The following SERPINB12 variants were observed in gnomAD, a reference collection of about 807,000 sequenced individuals.
SERPINB12 encodes the protein serpin B12.
In SERPINB12, 57 loss-of-function variants were observed where a neutral mutation model predicts 41.1. The ratio of observed to expected loss-of-function variants is 1.39; its 90% CI spans 1.12 to 1.73. The LOEUF is 1.73. SERPINB12 is among the 40% of genes most tolerant of loss of function. The probability of loss-of-function intolerance (pLI) is 0.00; values close to 1 mark genes in which losing one functional copy is unlikely to be tolerated. For synonymous variants in SERPINB12, 180 were observed against 181.3 expected (o/e 0.99, Z 0.06); for missense variants, 536 against 501.9 (o/e 1.07, Z -0.65).
chr18:63,559,483 C>T (rs553066634), intron 3 of SERPINB12, 95 bp from the exon 4 acceptor site: 1 of 1,272,526 alleles, frequency 7.9e-7, no homozygotes, highest in Non-Finnish European at 1.1e-6. Context: ...CTAAGAAGCT[C>T]TATCTTGCTT....
intron 1 of SERPINB12, among the ~76,000 whole-genome samples, chr18:63,553,485 G>A (rs1042466171): frequency 6.6e-6 from 1 of 152,138 alleles, no homozygotes; most frequent in Non-Finnish European, 1.5e-5. Context: ...GGCAGAAGGG[G>A]TGAAGCCAAG....
chr18:63,559,747 C>G (rs770707717), intron 4 of SERPINB12, 29 bp downstream of exon 4: 1 of 1,611,454 alleles, frequency 6.2e-7, no homozygotes, highest in South Asian at 1.1e-5. Context: ...GTGACTAAAG[C>G]TACCATGTAG....
At chr18:63,547,732 AT>A (rs1223918510) in intron 1 of SERPINB12, among the ~76,000 whole-genome samples, 11 of 152,104 alleles carry the variant, frequency 7.2e-5, no homozygotes, top group Middle Eastern at 3.4e-3. Flanking sequence ...CAGTAAATGA[AT>A]TTTTTTTATA....
rs1911128403 is a variant in SERPINB12 at position 63,566,939 on chromosome 18, C to A, written c.1206C>A (p.His402Gln). The change falls in exon 8 of 8, where the codon CAC becomes CAA. Residue 402 changes from histidine (H) to glutamine (Q), a missense_variant. Coordinates refer to ENST00000382768, the MANE Select transcript of SERPINB12 (RefSeq NM_001307928.2). ...CTTGGGTGGAGTTTAATGCCAACCACCCTTTTCTCTTTTTCATTAGACACA... is the reference window on the plus strand; with the variant it reads ...CTTGGGTGGAGTTTAATGCCAACCAACCTTTTCTCTTTTTCATTAGACACA... ...LRSWVEFNANHPFLFFIRHNK... is the reference protein window; with the variant it reads ...LRSWVEFNANQPFLFFIRHNK... 1 of 1,613,730 alleles carries A rather than the reference C, an allele frequency of 6.2e-7. No homozygotes were observed. Among genetic ancestry groups the A allele is most frequent in the Non-Finnish European group, 8.5e-7 (1 of 1,179,932 alleles).
rs1439303022 is a variant in SERPINB12, at chr18:63,567,896, C to T, written c.*885C>T. Among the ~76,000 whole-genome samples the T allele has an allele frequency of 1.3e-5, 2 of 152,176 alleles. No individual in the cohort carries two copies. The highest frequency in any genetic ancestry group is 2.4e-5 in the African/African-American group (1 of 41,454). ...GGACGGCTGGCCTCCGTATGCCCCT[C>T]TCTCTGCCTTCTGGCCACGTGGAGG... On this transcript the variant is annotated 3_prime_UTR_variant, in exon 8 of 8. Transcript: ENST00000382768.
upstream of SERPINB12, among the ~76,000 whole-genome samples, chr18:63,539,114 C>T (rs1293835060): frequency 6.6e-6 from 1 of 152,104 alleles, no homozygotes; most frequent in African/African-American, 2.4e-5. Flanking sequence ...AGGTTCCTCC[C>T]TGACCAGGGT....
chr18:63,557,923 A>G (rs8098669), intron 2 of SERPINB12, among the ~76,000 whole-genome samples: 61,012 of 152,072 alleles, frequency 0.4, 14,636 homozygotes, highest in Non-Finnish European at 0.55. Flanking sequence ...TTTAATAATA[A>G]TTTTTTAACC....
At chr18:63,544,984 T>C (rs189594400) in intron 1 of SERPINB12, among the ~76,000 whole-genome samples, 5 of 152,312 alleles carry the variant, frequency 3.3e-5, no homozygotes, top group Admixed American at 3.3e-4. Context: ...CCTTTATCAG[T>C]AGGGGAATAT....
At chr18:63,547,815 G>A (rs1195528481) in intron 1 of SERPINB12, among the ~76,000 whole-genome samples, 4 of 152,048 alleles carry the variant, frequency 2.6e-5, no homozygotes, top group African/African-American at 9.7e-5. Context: ...CAGAATCTCT[G>A]TTAATTACAG....
At chr18:63,560,551 C>T (rs1910868831) in intron 4 of SERPINB12, among the ~76,000 whole-genome samples, 1 of 152,186 alleles carries the variant, frequency 6.6e-6, no homozygotes, top group Non-Finnish European at 1.5e-5. Context: ...TGGTATATTA[C>T]ATTACTGATT....
chr18:63,547,542 G>A (rs1348272199), intron 1 of SERPINB12, among the ~76,000 whole-genome samples: 2 of 151,774 alleles, frequency 1.3e-5, no homozygotes, highest in Non-Finnish European at 2.9e-5. Context: ...GTAGCTTTGT[G>A]GGAATTATAG....
intron 6 of SERPINB12, among the ~76,000 whole-genome samples, chr18:63,564,402 T>C (rs1331109887): frequency 6.6e-6 from 1 of 152,216 alleles, no homozygotes; most frequent in South Asian, 2.1e-4. Flanking sequence ...AAGGAAAGGC[T>C]AAGTTAGCTG....
chr18:63,545,048 T>C (rs1450386508), intron 1 of SERPINB12, among the ~76,000 whole-genome samples: 2 of 152,174 alleles, frequency 1.3e-5, no homozygotes, highest in African/African-American at 4.8e-5. Context: ...GCTGAATCAT[T>C]CTGGCCTCCT....
In SERPINB12 at chr18:63,568,764, C is replaced by A. The variant is rs148809013; in HGVS notation, c.*1753C>A. On this transcript the variant is annotated 3_prime_UTR_variant, in exon 8 of 8. Transcript: ENST00000382768. Reference sequence around the variant, plus strand: ...AGAAGGCAGGTGAACCACACCTGCTCCCATGCTAGCCTCCTCTTCCTTTTC... The same window carrying A: ...AGAAGGCAGGTGAACCACACCTGCTACCATGCTAGCCTCCTCTTCCTTTTC... Among the ~76,000 whole-genome samples, 5 of 152,326 alleles carry A rather than the reference C, an allele frequency of 3.3e-5. No homozygotes were observed. Among genetic ancestry groups the A allele is most frequent in the African/African-American group, 1.2e-4 (5 of 41,570 alleles).
intron 1 of SERPINB12, among the ~76,000 whole-genome samples, chr18:63,555,594 T>C: frequency 6.6e-6 from 1 of 152,200 alleles, no homozygotes. Context: ...TAAGATGAGG[T>C]TGTACTGGCT....
intron 1 of SERPINB12, among the ~76,000 whole-genome samples, chr18:63,544,956 A>G (rs1453370884): frequency 6.6e-6 from 1 of 152,176 alleles, no homozygotes; most frequent in Non-Finnish European, 1.5e-5. Flanking sequence ...GCCCCTTTGT[A>G]ATATTTCAAA....
At chr18:63,522,089 T>A in the SERPINB12 span, among the ~76,000 whole-genome samples, 4 of 152,254 alleles carry the variant, frequency 2.6e-5, no homozygotes, top group Admixed American at 2.0e-4. Context: ...CTAATTTGTT[T>A]GTAAAATAAG....
chr18:63,536,011 T>A, the SERPINB12 span, among the ~76,000 whole-genome samples: 1 of 152,042 alleles, frequency 6.6e-6, no homozygotes, highest in Non-Finnish European at 1.5e-5. Context: ...AATATTTATA[T>A]GTATTCAGAA....
the SERPINB12 span, among the ~76,000 whole-genome samples, chr18:63,536,284 A>C: frequency 6.6e-6 from 1 of 152,014 alleles, no homozygotes; most frequent in South Asian, 2.1e-4. Context: ...AATGACAAAA[A>C]TGGAAGAACA....
Sources: gnomAD v4.1 joint callset for allele counts (sites outside exome capture counted in the v4.1 genomes callset) on GRCh38, gnomAD v4.1.1 for gene constraint, MANE v1.5 for transcripts, NCBI Gene and HGNC (gene_info 2026-07-23, HGNC 2026-07-21) for gene names.